Variants in TRIB1 observed in about 807,000 individuals in gnomAD.
TRIB1 encodes the protein tribbles homolog 1.
In TRIB1, 12 loss-of-function variants were observed where a neutral mutation model predicts 27.8. That is an observed-to-expected ratio of 0.43 (90% CI 0.28 to 0.70). TRIB1 has a LOEUF of 0.70. TRIB1 is among the 30% of genes least tolerant of loss of function. The pLI is 0.18. For synonymous variants in TRIB1, 230 were observed against 224.9 expected (o/e 1.02, Z -0.20); for missense variants, 475 against 515.8 (o/e 0.92, Z 0.77).
Position 125,430,832 on chromosome 8 carries a change from C to A in TRIB1, c.-71C>A. On this transcript the variant is annotated 5_prime_UTR_variant, in exon 1 of 3. Coordinates refer to ENST00000311922, the MANE Select transcript of TRIB1 (RefSeq NM_025195.4). ...GCTGGAAGAAGTCGCGGAGCCGGCA[C>A]CAAACCCGCAGCGTCTTCCCGCGCG... is the stretch of plus-strand genomic sequence containing the variant. The A allele has an allele frequency of 7.4e-7, 1 of 1,349,162 alleles. No homozygotes were observed. The highest frequency in any genetic ancestry group is 9.5e-7 in the Non-Finnish European group (1 of 1,055,346). The allele number at this position is 1,349,162 out of a possible 1,614,324, so 83.6% of individuals were successfully genotyped here.
rs1234672719 is a variant in TRIB1, at chr8:125,436,291, C to G, written c.939C>G (p.Cys313Trp). ...AGCACATTTCCCCCAAAGCCAGGTG[C>G]CTCATTCGCAGCCTCTTGAGACGGG... ...IPEHISPKAR[C>W]LIRSLLRREP... The change falls in exon 3 of 3, where the codon TGC (cysteine) becomes TGG (tryptophan). Residue 313 changes from cysteine (C) to tryptophan (W), a missense_variant. Physicochemically the swap from Cys to Trp is radical, Grantham distance 215. Transcript: ENST00000311922. 33 of 1,614,114 alleles carry G rather than the reference C, an allele frequency of 2.0e-5. No individual in the cohort carries two copies. The highest frequency in any genetic ancestry group is 2.7e-5 in the Non-Finnish European group (32 of 1,180,012).
chr8:125,431,590 A>G (rs908299278), intron 1 of TRIB1, among the ~76,000 whole-genome samples: 1 of 151,844 alleles, frequency 6.6e-6, no homozygotes, highest in South Asian at 2.1e-4. Context: ...CCCTTCTCTC[A>G]TTCTCCTCGC....
rs1475400203 is a variant in TRIB1 at position 125,436,637 on chromosome 8, T to C, written c.*166T>C. On this transcript the variant is annotated 3_prime_UTR_variant, in exon 3 of 3. Transcript: ENST00000311922. ...TTCTCTGTTGGGATGAGTGACTTTA[T>C]TGATTTGAGCAGCATATGCTGTGAT... 11 of 689,330 alleles carry C rather than the reference T, an allele frequency of 1.6e-5. No individual in the cohort carries two copies. The Admixed American group carries it at 2.9e-4, about 18-fold the overall frequency. The allele number at this position is 689,330 out of a possible 1,614,324, so 42.7% of individuals were successfully genotyped here.
At chr8:125,435,952 T>C in intron 2 of TRIB1, 54 bp from the exon 3 acceptor site, 1 of 1,503,080 alleles carries the variant, frequency 6.7e-7, no homozygotes, top group African/African-American at 1.4e-5. Context: ...GGGAAGGCTT[T>C]GTTTTTCATA....
At position 125,430,685 on chromosome 8, in the gene TRIB1, C is replaced by G. The variant is rs533048490; in HGVS notation, c.-218C>G. 7.4e-5 allele frequency: 39 copies of G among 527,056 alleles called. No homozygotes were observed. The highest frequency in any genetic ancestry group is 1.1e-3 in the Middle Eastern group (2 of 1,758). 32.6% of individuals were successfully genotyped at this position (527,056 alleles called of 1,614,324 possible). A position where few individuals can be genotyped will look rare whatever the true frequency, so the allele number is the denominator to read the frequency against. On this transcript the variant is annotated 5_prime_UTR_variant, in exon 1 of 3. Transcript: ENST00000311922. ...CGGGGGTCCGGGGACTCGAGCCGGC[C>G]TCCGCCTCCCGGACGCACAGCCAGC...
chr8:125,436,505 C>A lies in TRIB1; in HGVS notation c.*34C>A. 1 of 1,593,108 alleles carries A rather than the reference C, an allele frequency of 6.3e-7. No individual in the cohort carries two copies. The highest frequency in any genetic ancestry group is 8.6e-7 in the Non-Finnish European group (1 of 1,164,224). On this transcript the variant is annotated 3_prime_UTR_variant, in exon 3 of 3. Transcript: ENST00000311922. ...ACCTCAGAAACCTCATAATTCTTAA[C>A]ACCTGGCATTTCCATTTCTAAAGAT...
chr8:125,433,569 G>T lies in TRIB1; in HGVS notation c.613G>T (p.Asp205Tyr). 6.2e-7 allele frequency: 1 copy of T among 1,611,948 alleles called. No individual in the cohort carries two copies. The highest frequency in any genetic ancestry group is 8.5e-7 in the Non-Finnish European group (1 of 1,178,242). The stretch of plus-strand genomic sequence containing the variant: ...CCACCAGTCAGCCATCGTGCTGGGG[G>T]ACCTGAAGCTTAGGAAGTTCGTCTT... The part of the protein sequence containing the change: ...HCHQSAIVLG[D>Y]LKLRKFVFST... The change falls in exon 2 of 3, where the codon GAC becomes TAC. Residue 205 changes from aspartate (D) to tyrosine (Y), a missense_variant. By Grantham distance (160) the Asp-to-Tyr change is radical (BLOSUM62 -3). Transcript: ENST00000311922. This position sits in a 1 kb window ranked among gnomAD's most constrained non-coding sequence, Gnocchi z 4.4.
chr8:125,431,774 A>T (rs1814661037), intron 1 of TRIB1, among the ~76,000 whole-genome samples: 1 of 152,152 alleles, frequency 6.6e-6, no homozygotes, highest in Admixed American at 6.5e-5. Flanking sequence ...GGGATTCCGA[A>T]TTGAATCCGC....
chr8:125,434,559 C>T (rs1490632653), intron 2 of TRIB1, among the ~76,000 whole-genome samples: 1 of 152,228 alleles, frequency 6.6e-6, no homozygotes, highest in Non-Finnish European at 1.5e-5. Context: ...CAAAGAAAAG[C>T]AAACTGTTGG....
Position 125,436,729 on chromosome 8 carries a change from T to C in TRIB1, c.*258T>C. 1.8e-6 allele frequency: 1 copy of C among 547,712 alleles called. No homozygotes were observed. The highest frequency in any genetic ancestry group is 3.1e-5 in the East Asian group (1 of 32,440). 33.9% of individuals were successfully genotyped at this position (547,712 alleles called of 1,614,324 possible). On this transcript the variant is annotated 3_prime_UTR_variant, in exon 3 of 3. Transcript: ENST00000311922. ...AACTATCTCTGCTGGATTTGGGAGTTCCGCATCTTTTGTGGAGGGCAGAGT... is the reference window on the plus strand; with the variant it reads ...AACTATCTCTGCTGGATTTGGGAGTCCCGCATCTTTTGTGGAGGGCAGAGT...
In TRIB1 at chr8:125,438,324, G is replaced by A. The variant is rs937839162; in HGVS notation, c.*1853G>A. 1 of 152,388 alleles carries A rather than the reference G, an allele frequency of 6.6e-6. No individual in the cohort carries two copies. The highest frequency in any genetic ancestry group is 1.5e-5 in the Non-Finnish European group (1 of 68,038). 9.4% of individuals were successfully genotyped at this position (152,388 alleles called of 1,614,324 possible). A position where few individuals can be genotyped will look rare whatever the true frequency, so the allele number is the denominator to read the frequency against. ...AAGCTAGAAACACTAGGTTCTTCCT[G>A]TACATACGTGTATATATGTGAACAG... On this transcript the variant is annotated 3_prime_UTR_variant, in exon 3 of 3. Transcript: ENST00000311922.
chr8:125,435,432 T>C (rs1178768265), intron 2 of TRIB1, among the ~76,000 whole-genome samples: 3 of 152,204 alleles, frequency 2.0e-5, no homozygotes, highest in Admixed American at 2.0e-4. Context: ...TGTTGCAGCC[T>C]GGGCCCAGGA....
Position 125,430,761 on chromosome 8 carries a change from C to T in TRIB1, c.-142C>T. 1 of 1,156,894 alleles carries T rather than the reference C, an allele frequency of 8.6e-7. No homozygotes were observed. Among genetic ancestry groups the T allele is most frequent in the South Asian group, 2.4e-5 (1 of 41,048 alleles). The allele number at this position is 1,156,894 out of a possible 1,614,324, so 71.7% of individuals were successfully genotyped here. A position where few individuals can be genotyped will look rare whatever the true frequency, so the allele number is the denominator to read the frequency against. On this transcript the variant is annotated 5_prime_UTR_variant, in exon 1 of 3. Transcript: ENST00000311922. ...CCGGGGAGTGGCTCCTGCTTTGCCC[C>T]TCGTGGGGGCCGAGCCAAGACCAGT...
Position 125,430,615 on chromosome 8 carries a change from A to C in TRIB1, c.-288A>C. ...CCGGACTATCGGCAGCCTCGGCAAC[A>C]ATAGTGGCGGCCGCCCCCAGCGAGG... On this transcript the variant is annotated 5_prime_UTR_variant, in exon 1 of 3. Coordinates refer to ENST00000311922, the MANE Select transcript of TRIB1 (RefSeq NM_025195.4). The C allele has an allele frequency of 3.0e-6, 1 of 330,400 alleles. No homozygotes were observed. The allele number at this position is 330,400 out of a possible 1,614,324, so 20.5% of individuals were successfully genotyped here. A position where few individuals can be genotyped will look rare whatever the true frequency, so the allele number is the denominator to read the frequency against.
chr8:125,431,105 G>C lies in TRIB1; in HGVS notation c.203G>C (p.Ser68Thr). ...CTCAGCCCCCCCGGCTCGCCCTGCAGCCCGCAGCCCCCGCCTGCCGCTCCG... is the reference window on the plus strand; with the variant it reads ...CTCAGCCCCCCCGGCTCGCCCTGCACCCCGCAGCCCCCGCCTGCCGCTCCG... Reference protein sequence around the residue: ...DYLSPPGSPCSPQPPPAAPGA... With the variant: ...DYLSPPGSPCTPQPPPAAPGA... Residue 68 changes from serine (S) to threonine (T), a missense_variant, in exon 1 of 3, where the codon AGC becomes ACC. Ser to Thr is a moderately conservative substitution (Grantham distance 58). Transcript: ENST00000311922. The C allele has an allele frequency of 2.2e-6, 3 of 1,343,342 alleles. No individual in the cohort carries two copies. Among genetic ancestry groups the C allele is most frequent in the East Asian group, 3.1e-5 (1 of 32,446 alleles). The allele number at this position is 1,343,342 out of a possible 1,614,324, so 83.2% of individuals were successfully genotyped here.
Position 125,437,228 on chromosome 8 carries a change from A to G in TRIB1, c.*757A>G, listed in dbSNP as rs1264087511. 3 of 152,378 alleles carry G rather than the reference A, an allele frequency of 2.0e-5. No individual in the cohort carries two copies. Among genetic ancestry groups the G allele is most frequent in the African/African-American group, 7.2e-5 (3 of 41,458 alleles). The allele number at this position is 152,378 out of a possible 1,614,324, so 9.4% of individuals were successfully genotyped here. On this transcript the variant is annotated 3_prime_UTR_variant, in exon 3 of 3. Transcript: ENST00000311922. The stretch of plus-strand genomic sequence containing the variant: ...CGATTTCAGAACTCTGAGCTCAGAG[A>G]GACTCCAGATTTTAAAAAATAATTT...
At position 125,433,628 on chromosome 8, in the gene TRIB1, T is replaced by C. The variant is rs571766727; in HGVS notation, c.653+19T>C. 6.3e-7 allele frequency: 1 copy of C among 1,596,558 alleles called. No homozygotes were observed. Among genetic ancestry groups the C allele is most frequent in the East Asian group, 2.3e-5 (1 of 44,430 alleles). ...AGGAGAGGTGAGCGGCCGCCACAGC[T>C]TCTCCTGTGGCCTTTTGGAACCAAA... is the stretch of plus-strand genomic sequence containing the variant. On this transcript the variant is annotated intron_variant, in intron 2 of 2. Transcript: ENST00000311922. This position sits in a 1 kb window ranked among gnomAD's most constrained non-coding sequence, Gnocchi z 4.4.
Position 125,437,848 on chromosome 8 carries a change from G to A in TRIB1, c.*1377G>A, listed in dbSNP as rs1224837313. The stretch of plus-strand genomic sequence containing the variant: ...AAATTCAGATGAAATATCAGTAACT[G>A]TCTTGGACAGTGCTGAAATCAGGTG... On this transcript the variant is annotated 3_prime_UTR_variant, in exon 3 of 3. Coordinates refer to ENST00000311922, the MANE Select transcript of TRIB1 (RefSeq NM_025195.4). The A allele has an allele frequency of 6.5e-6, 1 of 152,764 alleles. No individual in the cohort carries two copies. The highest frequency in any genetic ancestry group is 2.4e-5 in the African/African-American group (1 of 41,456). 9.5% of individuals were successfully genotyped at this position (152,764 alleles called of 1,614,324 possible).
intron 1 of TRIB1, 31 bp downstream of exon 1, chr8:125,431,293 G>A (rs1182771108): frequency 1.6e-6 from 2 of 1,253,812 alleles, no homozygotes; most frequent in Middle Eastern, 3.0e-4. Flanking sequence ...ACCCGGCTGG[G>A]GTCGGGGGCG....
Sources: allele counts gnomAD v4.1 joint callset (sites outside exome capture counted in the v4.1 genomes callset), GRCh38; gene constraint gnomAD v4.1.1; non-coding constraint Gnocchi (gnomAD v3.1); transcripts MANE v1.5; gene names NCBI Gene and HGNC (gene_info 2026-07-23, HGNC 2026-07-21).